Variants in SBNO2 observed in about 807,000 individuals in gnomAD.
SBNO2 encodes protein strawberry notch homolog 2.
In SBNO2, 89 loss-of-function variants were observed where a neutral mutation model predicts 146.3. The ratio of observed to expected loss-of-function variants is 0.61; its 90% CI spans 0.51 to 0.73. The LOEUF (loss-of-function observed/expected upper bound fraction) is 0.73. Ranked by LOEUF, SBNO2 falls within the 30% of genes least tolerant of loss-of-function variation. The probability of loss-of-function intolerance (pLI) is 0.00; values close to 1 mark genes in which losing one functional copy is unlikely to be tolerated. For missense variants in SBNO2, 2,092 were observed against 2,003.7 expected (o/e 1.04, Z -0.84); for synonymous variants, 1,147 against 892.6 (o/e 1.29, Z -5.08).
intron 1 of SBNO2, among the ~76,000 whole-genome samples, chr19:1,165,797 CCCCAGAT>C (rs1568647111): frequency 2.3e-3 from 21 of 9,294 alleles, no homozygotes; most frequent in African/African-American, 8.7e-3. Context: ...AGACCCCAGA[CCCCAGAT>C]CCCAGACCCC....
chr19:1,164,605 G>A (rs1298503261), intron 1 of SBNO2, among the ~76,000 whole-genome samples: 5 of 2,218 alleles, frequency 2.3e-3, no homozygotes, highest in African/African-American at 8.1e-3. Context: ...AGTGGAGACA[G>A]GAGGAGGAGG....
chr19:1,116,088 C>A lies in SBNO2; in HGVS notation c.1818G>T (p.Ser606=). Reference sequence around the variant, plus strand: ...TGGACGGAAAGTGCTTCTGAATTAGCGACAGGAACACGCCTCTGAAAGTGA... The same window carrying A: ...TGGACGGAAAGTGCTTCTGAATTAGAGACAGGAACACGCCTCTGAAAGTGA... ...FVSAAEGVFL[S]LIQKHFPSTK... Residue 606 remains serine (S), a synonymous_variant, in exon 17 of 32, where the codon TCG becomes TCT. Transcript: ENST00000361757. 3.7e-6 allele frequency: 6 copies of A among 1,610,280 alleles called. No individual in the cohort carries two copies. Among genetic ancestry groups the A allele is most frequent in the Non-Finnish European group, 5.1e-6 (6 of 1,178,664 alleles).
In SBNO2 at chr19:1,110,031, A is replaced by G. The variant is rs939827791; in HGVS notation, c.3029-254T>C. ...GGAGCCTGGGGGCCGCTCAGGTCCT[A>G]TGTAACCCCGAGCAGGCTGTGGGGG... On this transcript the variant is annotated intron_variant, in intron 26 of 31. Transcript: ENST00000361757. This position sits in a 1 kb window ranked among gnomAD's most constrained non-coding sequence, Gnocchi z 4.9. Among the ~76,000 whole-genome samples, 2 of 149,606 alleles carry G rather than the reference A, an allele frequency of 1.3e-5. No homozygotes were observed. Among genetic ancestry groups the G allele is most frequent in the Non-Finnish European group, 3.0e-5 (2 of 67,422 alleles).
intron 5 of SBNO2, among the ~76,000 whole-genome samples, chr19:1,125,047 G>A (rs982853526): frequency 1.3e-5 from 2 of 151,902 alleles, no homozygotes; most frequent in Non-Finnish European, 2.9e-5. Context: ...ACAGTAATAC[G>A]AGCCATAAAA....
chr19:1,115,492 C>G (rs1404041999), intron 17 of SBNO2: 1 of 154,266 alleles, frequency 6.5e-6, no homozygotes, highest in African/African-American at 2.4e-5. Context: ...CCACCCGCCT[C>G]GGCCTCCCAA....
chr19:1,133,609 T>C (rs535710994), intron 4 of SBNO2, among the ~76,000 whole-genome samples: 3 of 152,274 alleles, frequency 2.0e-5, no homozygotes, highest in Non-Finnish European at 4.4e-5. Flanking sequence ...CACGGGTCCG[T>C]GCCGCTGGGG....
intron 1 of SBNO2, among the ~76,000 whole-genome samples, chr19:1,165,805 C>T (rs2080411475): frequency 6.9e-6 from 1 of 145,510 alleles, no homozygotes; most frequent in African/African-American, 2.6e-5. Context: ...GACCCCAGAT[C>T]CCAGACCCCA....
chr19:1,146,016 A>C (rs1599864251), intron 4 of SBNO2, among the ~76,000 whole-genome samples: 1 of 151,282 alleles, frequency 6.6e-6, no homozygotes, highest in East Asian at 1.9e-4. Flanking sequence ...GCTCTGACCC[A>C]CCTCTTCCAG....
Position 1,110,683 on chromosome 19 carries a change from T to C in SBNO2, c.3028+62A>G, listed in dbSNP as rs2079746338. 2 of 1,467,600 alleles carry C rather than the reference T, an allele frequency of 1.4e-6. No homozygotes were observed. The highest frequency in any genetic ancestry group is 1.2e-5 in the South Asian group (1 of 85,282). The allele number at this position is 1,467,600 out of a possible 1,614,324, so 90.9% of individuals were successfully genotyped here. A position where few individuals can be genotyped will look rare whatever the true frequency, so the allele number is the denominator to read the frequency against. Reference sequence around the variant, plus strand: ...GAGCCCCGAGCCCACCCAGGATGCATGGCGTTCCCACGAGCCCCGCACCCA... The same window carrying C: ...GAGCCCCGAGCCCACCCAGGATGCACGGCGTTCCCACGAGCCCCGCACCCA... On this transcript the variant is annotated intron_variant, in intron 26 of 31. Transcript: ENST00000361757. The surrounding 1 kb of genome is among the most constrained non-coding windows in gnomAD (Gnocchi z 4.9).
intron 3 of SBNO2, among the ~76,000 whole-genome samples, chr19:1,148,428 G>A (rs2080214685): frequency 6.7e-6 from 1 of 149,226 alleles, no homozygotes; most frequent in Non-Finnish European, 1.5e-5. Flanking sequence ...CCCCCCTGCA[G>A]AACCCAGCCC....
intron 2 of SBNO2, among the ~76,000 whole-genome samples, chr19:1,153,284 C>G (rs1272692824): frequency 1.3e-5 from 2 of 151,092 alleles, no homozygotes; most frequent in Non-Finnish European, 2.9e-5. Flanking sequence ...GTCACCCAGG[C>G]TGGAGTGCAG....
intron 1 of SBNO2, among the ~76,000 whole-genome samples, chr19:1,171,248 G>A (rs947991738): frequency 8.6e-5 from 13 of 151,780 alleles, no homozygotes; most frequent in South Asian, 2.1e-4. Context: ...ACCCACATCC[G>A]TACAACACAC....
In SBNO2 at chr19:1,109,330, G is replaced by A; in HGVS notation, c.3310C>T (p.Leu1104=). The change falls in exon 29 of 32, where the codon CTG becomes TTG. Residue 1104 remains leucine, a synonymous_variant. Transcript: ENST00000361757. The surrounding 1 kb of genome is among the most constrained non-coding windows in gnomAD (Gnocchi z 4.2). The stretch of plus-strand genomic sequence containing the variant: ...CGGCGGAGGCTGTCCAGGGCCTCCA[G>A]CTGGCTCTGCCGGCCGATGTTGGGC... The part of the protein sequence containing the change: ...YKPNIGRQSQ[L]EALDSLRRKF... 6 of 1,595,828 alleles carry A rather than the reference G, an allele frequency of 3.8e-6. No homozygotes were observed. Among genetic ancestry groups the A allele is most frequent in the Non-Finnish European group, 5.1e-6 (6 of 1,172,462 alleles).
At chr19:1,169,591 GGGTGGGGTGAT>G in intron 1 of SBNO2, among the ~76,000 whole-genome samples, 3 of 152,320 alleles carry the variant, frequency 2.0e-5, no homozygotes, top group African/African-American at 7.2e-5. Context: ...GGCCCCCGGG[GGGTGGGGTGAT>G]GCCATCACTG....
In SBNO2 at chr19:1,140,369, C is replaced by A. The variant is rs958337079; in HGVS notation, c.279+6940G>T. On this transcript the variant is annotated intron_variant, in intron 4 of 31. Coordinates refer to ENST00000361757, the MANE Select transcript of SBNO2 (RefSeq NM_014963.3). The surrounding 1 kb of genome is among the most constrained non-coding windows in gnomAD (Gnocchi z 4.4). ...AGAACCACGGTTCACCTGCACACCG[C>A]GGCAGGGGGCCCCACCAGGACACAC... Among the ~76,000 whole-genome samples the A allele has an allele frequency of 6.6e-6, 1 of 152,088 alleles. No individual in the cohort carries two copies. Among genetic ancestry groups the A allele is most frequent in the Admixed American group, 6.5e-5 (1 of 15,276 alleles).
intron 1 of SBNO2, among the ~76,000 whole-genome samples, chr19:1,164,105 A>G (rs1024190957): frequency 3.3e-5 from 5 of 152,184 alleles, no homozygotes; most frequent in African/African-American, 1.2e-4. Flanking sequence ...GGGAGGGCTC[A>G]AGGGTGTTGG....
chr19:1,165,517 G>A (rs1458281820), intron 1 of SBNO2, among the ~76,000 whole-genome samples: 2 of 152,102 alleles, frequency 1.3e-5, no homozygotes, highest in East Asian at 1.9e-4. Context: ...CAGAGCAAGA[G>A]TCCCAAGCCA....
At chr19:1,133,066 C>T (rs1243495845) in intron 4 of SBNO2, among the ~76,000 whole-genome samples, 2 of 152,112 alleles carry the variant, frequency 1.3e-5, no homozygotes, top group Non-Finnish European at 2.9e-5. Flanking sequence ...CCTGATGGGA[C>T]CTCACATTGG....
chr19:1,135,978 G>A (rs764892504), intron 4 of SBNO2, among the ~76,000 whole-genome samples: 20 of 151,976 alleles, frequency 1.3e-4, no homozygotes, highest in Non-Finnish European at 2.8e-4. Context: ...CTGTGTGTGT[G>A]GCCTTATTTG....
Sources: allele counts gnomAD v4.1 joint callset (sites outside exome capture counted in the v4.1 genomes callset), GRCh38; gene constraint gnomAD v4.1.1; non-coding constraint Gnocchi (gnomAD v3.1); transcripts MANE v1.5; gene names NCBI Gene and HGNC (gene_info 2026-07-23, HGNC 2026-07-21).